Variants in MALRD1 observed in about 807,000 individuals in gnomAD.
MALRD1 encodes the protein MAM and LDL-receptor class A domain-containing protein 1.
MALRD1 carries 247 observed loss-of-function variants against 242.1 expected under a neutral mutation model. The ratio of observed to expected loss-of-function variants is 1.02; its 90% CI spans 0.92 to 1.13. The LOEUF (loss-of-function observed/expected upper bound fraction) is 1.13, where lower values mean the gene tolerates loss of function less well. Among genes scored for constraint, MALRD1 ranks in the 50% most tolerant of loss-of-function variants. MALRD1 has a pLI of 0.00. For synonymous variants in MALRD1, 995 were observed against 866.6 expected (o/e 1.15, Z -2.60); for missense variants, 2,989 against 2,533.1 (o/e 1.18, Z -3.86).
chr10:19,465,573 C>T (rs1222078650), intron 29 of MALRD1, among the ~76,000 whole-genome samples: 1 of 152,094 alleles, frequency 6.6e-6, no homozygotes, highest in Non-Finnish European at 1.5e-5. Flanking sequence ...CTCTGTCACC[C>T]AGGCTGAAGT....
chr10:19,365,693 C>G (rs1248406758), intron 26 of MALRD1, among the ~76,000 whole-genome samples: 4 of 134,604 alleles, frequency 3.0e-5, no homozygotes, highest in Middle Eastern at 4.1e-3. Flanking sequence ...AAAAAACAAG[C>G]TACTATGTTT....
At chr10:19,458,442 T>C (rs1835773598) in intron 29 of MALRD1, among the ~76,000 whole-genome samples, 1 of 152,214 alleles carries the variant, frequency 6.6e-6, no homozygotes. Flanking sequence ...AATTTTGACT[T>C]TTCAGTGAAA....
At chr10:19,192,586 C>T (rs1197376821) in intron 14 of MALRD1, among the ~76,000 whole-genome samples, 2 of 152,100 alleles carry the variant, frequency 1.3e-5, no homozygotes, top group Admixed American at 6.5e-5. Context: ...AGGAAGATTT[C>T]CCCCCACAGC....
At chr10:19,530,231 C>T (rs1052709379) in intron 31 of MALRD1, among the ~76,000 whole-genome samples, 2 of 145,598 alleles carry the variant, frequency 1.4e-5, no homozygotes, top group African/African-American at 2.5e-5. Flanking sequence ...ACTGTCCTCT[C>T]AACTTCCTTT....
intron 18 of MALRD1, among the ~76,000 whole-genome samples, chr10:19,244,635 G>A (rs1838959156): frequency 6.6e-6 from 1 of 152,100 alleles, no homozygotes; most frequent in South Asian, 2.1e-4. Flanking sequence ...AGAGCTCCAA[G>A]GCTAATGACT....
intron 28 of MALRD1, among the ~76,000 whole-genome samples, chr10:19,438,747 G>A (rs2130974548): frequency 6.6e-6 from 1 of 152,288 alleles, no homozygotes; most frequent in East Asian, 1.9e-4. Context: ...GTTCATACAA[G>A]CTATTGGGTT....
At chr10:19,149,450 C>G (rs1486224737) in intron 11 of MALRD1, among the ~76,000 whole-genome samples, 1 of 152,040 alleles carries the variant, frequency 6.6e-6, no homozygotes, top group Non-Finnish European at 1.5e-5. Context: ...TGTTAAATTT[C>G]CATCGAAATA....
chr10:19,532,369 C>A (rs7084616), intron 32 of MALRD1, among the ~76,000 whole-genome samples: 4 of 151,632 alleles, frequency 2.6e-5, no homozygotes, highest in Non-Finnish European at 5.9e-5. Flanking sequence ...ATTCTCCTGC[C>A]TCAGCATCCT....
At chr10:19,115,914 T>A (rs1836855288) in intron 5 of MALRD1, among the ~76,000 whole-genome samples, 1 of 152,128 alleles carries the variant, frequency 6.6e-6, no homozygotes, top group Non-Finnish European at 1.5e-5. Context: ...ATAAGCTATT[T>A]TATTTATAAA....
At chr10:19,694,808 A>C (rs1303459113) in intron 38 of MALRD1, among the ~76,000 whole-genome samples, 1 of 152,208 alleles carries the variant, frequency 6.6e-6, no homozygotes, top group Non-Finnish European at 1.5e-5. Context: ...AATAGCAAAG[A>C]CTTGGAACCA....
chr10:19,157,965 G>A (rs1471942959), intron 12 of MALRD1, among the ~76,000 whole-genome samples: 2 of 152,158 alleles, frequency 1.3e-5, no homozygotes, highest in East Asian at 3.9e-4. Context: ...TGTTCCTGCA[G>A]CTAATCATTG....
intron 21 of MALRD1, among the ~76,000 whole-genome samples, chr10:19,286,818 T>G (rs1000003433): frequency 2.6e-5 from 4 of 151,276 alleles, no homozygotes; most frequent in African/African-American, 9.7e-5. Flanking sequence ...TAACTCATTT[T>G]ATGAGGCCAG....
chr10:19,689,007 G>C (rs1842712417), intron 36 of MALRD1, among the ~76,000 whole-genome samples: 1 of 152,202 alleles, frequency 6.6e-6, no homozygotes, highest in East Asian at 1.9e-4. Context: ...AGAAGAAGAG[G>C]AAAGAAAAGC....
intron 29 of MALRD1, among the ~76,000 whole-genome samples, chr10:19,477,355 G>A (rs772580351): frequency 2.6e-5 from 4 of 152,042 alleles, no homozygotes; most frequent in African/African-American, 9.7e-5. Context: ...GTAATTGAAT[G>A]ATATCATTCA....
At chr10:19,347,277 C>G (rs747022493) in intron 24 of MALRD1, among the ~76,000 whole-genome samples, 2 of 152,188 alleles carry the variant, frequency 1.3e-5, no homozygotes, top group African/African-American at 4.8e-5. Context: ...TAAGCTCATT[C>G]AAATTATCAC....
chr10:19,533,050 A>G (rs554748157), intron 32 of MALRD1, among the ~76,000 whole-genome samples: 3 of 152,286 alleles, frequency 2.0e-5, no homozygotes, highest in East Asian at 3.9e-4. Flanking sequence ...CAAAGCAAGC[A>G]TCAGTGGAAA....
At chr10:19,211,510 A>T (rs7090849) in intron 18 of MALRD1, among the ~76,000 whole-genome samples, 111,100 of 151,028 alleles carry the variant, frequency 0.74, 41,116 homozygotes, top group South Asian at 0.84. Flanking sequence ...CTGGGCAACA[A>T]GGCAAAACCT....
chr10:19,549,492 G>C (rs1409922422), intron 32 of MALRD1, among the ~76,000 whole-genome samples: 1 of 152,108 alleles, frequency 6.6e-6, no homozygotes, highest in African/African-American at 2.4e-5. Context: ...GCCCAATAAA[G>C]TAAGACCCTT....
At chr10:19,653,446 A>G (rs1840983242) in intron 36 of MALRD1, among the ~76,000 whole-genome samples, 1 of 152,122 alleles carries the variant, frequency 6.6e-6, no homozygotes, top group Non-Finnish European at 1.5e-5. Flanking sequence ...CAGTCCACCC[A>G]CTTCAGCCTC....
Sources: allele counts gnomAD v4.1 joint callset (sites outside exome capture counted in the v4.1 genomes callset), GRCh38; gene constraint gnomAD v4.1.1; transcripts MANE v1.5; gene names NCBI Gene and HGNC (gene_info 2026-07-23, HGNC 2026-07-21).